The following DRC8 variants were observed in gnomAD, a reference collection of about 807,000 sequenced individuals.
The protein encoded by DRC8 is dynein regulatory complex subunit 8.
At chr1:245,077,648 A>T in the DRC8 span, among the ~76,000 whole-genome samples, 2 of 152,316 alleles carry the variant, frequency 1.3e-5, no homozygotes, top group African/African-American at 4.8e-5. Context: ...TCAATGAATG[A>T]TGATGGGAAA....
At chr1:245,039,763 C>T in the DRC8 span, among the ~76,000 whole-genome samples, 1 of 152,038 alleles carries the variant, frequency 6.6e-6, no homozygotes, top group African/African-American at 2.4e-5. Flanking sequence ...TTTAGAATGT[C>T]CCTCAGTTTG....
the DRC8 span, among the ~76,000 whole-genome samples, chr1:245,118,097 C>A: frequency 5.2e-4 from 79 of 152,148 alleles, no homozygotes; most frequent in Non-Finnish European, 4.6e-4. Context: ...TACAAAACTA[C>A]GTGATGGGCC....
chr1:245,076,008 G>A, the DRC8 span, among the ~76,000 whole-genome samples: 422 of 152,322 alleles, frequency 2.8e-3, 1 homozygote, highest in Admixed American at 4.6e-3. Flanking sequence ...CAACAAGCGG[G>A]GAGGGAGAAG....
chr1:245,072,190 T>G, the DRC8 span, among the ~76,000 whole-genome samples: 1 of 152,226 alleles, frequency 6.6e-6, no homozygotes, highest in Non-Finnish European at 1.5e-5. Flanking sequence ...CTTTAGTGGG[T>G]GAATGGATAA....
At chr1:245,098,124 T>C in the DRC8 span, among the ~76,000 whole-genome samples, 24 of 152,262 alleles carry the variant, frequency 1.6e-4, no homozygotes, top group African/African-American at 4.3e-4. Context: ...AGCAACAGGA[T>C]TTCCCAGTGG....
At chr1:245,060,600 A>G in the DRC8 span, among the ~76,000 whole-genome samples, 2 of 152,216 alleles carry the variant, frequency 1.3e-5, no homozygotes, top group Non-Finnish European at 2.9e-5. Context: ...AAAAAAAGAT[A>G]CTGATTACTG....
the DRC8 span, among the ~76,000 whole-genome samples, chr1:245,104,576 A>G: frequency 0.29 from 43,762 of 151,890 alleles, 6,377 homozygotes; most frequent in Middle Eastern, 0.43. Flanking sequence ...CATTGCCATT[A>G]ACATATGGCC....
the DRC8 span, among the ~76,000 whole-genome samples, chr1:245,014,456 T>G: frequency 1.3e-5 from 2 of 152,228 alleles, no homozygotes; most frequent in Admixed American, 6.5e-5. Context: ...TATTTGTTGT[T>G]AAATTAGCAA....
the DRC8 span, among the ~76,000 whole-genome samples, chr1:244,984,850 C>CAA: frequency 0.53 from 74,164 of 138,652 alleles, 21,164 homozygotes; most frequent in East Asian, 0.74. Context: ...ACCCCCCCTT[C>CAA]AAAAAAAAAA....
At chr1:245,034,260 A>G in the DRC8 span, among the ~76,000 whole-genome samples, 1 of 152,238 alleles carries the variant, frequency 6.6e-6, no homozygotes. Context: ...GGAAAATTAA[A>G]TTGAAAACTT....
the DRC8 span, chr1:245,121,882 T>A: frequency 7.1e-6 from 3 of 422,734 alleles, no homozygotes; most frequent in East Asian, 2.2e-4. Context: ...TAATTATTTT[T>A]CTTTTCTTTT....
chr1:244,995,358 T>G, the DRC8 span, among the ~76,000 whole-genome samples: 4 of 149,026 alleles, frequency 2.7e-5, no homozygotes, highest in South Asian at 2.1e-4. Flanking sequence ...CAAGACTCCA[T>G]CTCAAAAAAA....
At chr1:245,114,512 T>A in the DRC8 span, among the ~76,000 whole-genome samples, 3 of 151,810 alleles carry the variant, frequency 2.0e-5, no homozygotes, top group East Asian at 5.8e-4. Context: ...GATTCCTTCA[T>A]GTACAACATC....
At chr1:245,001,279 A>G in the DRC8 span, among the ~76,000 whole-genome samples, 1 of 152,202 alleles carries the variant, frequency 6.6e-6, no homozygotes, top group African/African-American at 2.4e-5. Context: ...CATTTAGCCT[A>G]TAAAGGATCA....
At chr1:245,119,295 G>A in the DRC8 span, among the ~76,000 whole-genome samples, 3 of 151,546 alleles carry the variant, frequency 2.0e-5, no homozygotes, top group Admixed American at 2.0e-4. Context: ...TTAAGGGTTG[G>A]TTAACCCCAA....
the DRC8 span, among the ~76,000 whole-genome samples, chr1:244,973,385 T>A: frequency 2.6e-5 from 4 of 152,234 alleles, no homozygotes; most frequent in African/African-American, 7.2e-5. Context: ...GGACCATTTC[T>A]GATCTGTTAA....
chr1:245,079,538 C>T, the DRC8 span, among the ~76,000 whole-genome samples: 2 of 152,070 alleles, frequency 1.3e-5, no homozygotes, highest in African/African-American at 4.8e-5. Context: ...CGATATGAGG[C>T]GTATATTATG....
chr1:245,067,270 G>T, the DRC8 span, among the ~76,000 whole-genome samples: 1 of 152,054 alleles, frequency 6.6e-6, no homozygotes, highest in Non-Finnish European at 1.5e-5. Flanking sequence ...GGGATTACAG[G>T]TGCCGGCCAA....
chr1:244,995,065 A>C, the DRC8 span, among the ~76,000 whole-genome samples: 1 of 152,010 alleles, frequency 6.6e-6, no homozygotes, highest in African/African-American at 2.4e-5. Flanking sequence ...TGTTTGTTTA[A>C]AAGAGACAGG....
Sources: gnomAD v4.1 joint callset for allele counts (sites outside exome capture counted in the v4.1 genomes callset) on GRCh38, gnomAD v4.1.1 for gene constraint, MANE v1.5 for transcripts, NCBI Gene and HGNC (gene_info 2026-07-23, HGNC 2026-07-21) for gene names.